Variants in VWA5A observed in about 807,000 individuals in gnomAD.
VWA5A encodes von Willebrand factor A domain-containing protein 5A.
In VWA5A, 77 loss-of-function variants were observed where a neutral mutation model predicts 84.6. The ratio of observed to expected loss-of-function variants is 0.91; its 90% CI spans 0.76 to 1.10. The LOEUF (loss-of-function observed/expected upper bound fraction) is 1.10. Among genes scored for constraint, VWA5A ranks in the 50% least tolerant of loss-of-function variants. The probability of loss-of-function intolerance (pLI) is 0.00; values close to 1 mark genes in which losing one functional copy is unlikely to be tolerated. For missense variants in VWA5A, 973 were observed against 963.0 expected, an observed-to-expected ratio of 1.01 and a Z score of -0.14; for synonymous variants, 334 against 350.1, an observed-to-expected ratio of 0.95 and a Z score of 0.51.
At chr11:124,136,900 C>G in intron 14 of VWA5A, 115 bp from the exon 15 acceptor site, 2 of 1,401,460 alleles carry the variant, frequency 1.4e-6, no homozygotes, top group Non-Finnish European at 9.6e-7. Context: ...AGTCTTCTCT[C>G]TCCCCTTATC....
At chr11:124,125,330 C>T (rs1161511148) in intron 11 of VWA5A, among the ~76,000 whole-genome samples, 5 of 151,372 alleles carry the variant, frequency 3.3e-5, no homozygotes, top group East Asian at 3.9e-4. Flanking sequence ...TCGCCCAGGC[C>T]GGACTGCAGT....
rs1860816164 is a variant in VWA5A, at chr11:124,146,069, A to T, written c.*124A>T. The T allele has an allele frequency of 1.1e-5, 11 of 996,328 alleles. No homozygotes were observed. The highest frequency in any genetic ancestry group is 1.7e-5 in the African/African-American group (1 of 60,492). 61.7% of individuals were successfully genotyped at this position (996,328 alleles called of 1,614,324 possible). On this transcript the variant is annotated 3_prime_UTR_variant, in exon 19 of 19. Transcript: ENST00000456829. ...TTATTTTTTGCCATAAAAGTAAAGG[A>T]TGCTTACTCCACTTCGCTTCTCTGC... is the stretch of plus-strand genomic sequence containing the variant.
At chr11:124,141,125 G>A (rs1356860250) in intron 15 of VWA5A, among the ~76,000 whole-genome samples, 5 of 152,078 alleles carry the variant, frequency 3.3e-5, no homozygotes, top group African/African-American at 9.7e-5. Context: ...ATGAATGATC[G>A]GAAATAACAA....
At position 124,118,174 on chromosome 11, in the gene VWA5A, C is replaced by A; in HGVS notation, c.247-15C>A. 1.2e-6 allele frequency: 2 copies of A among 1,611,558 alleles called. No individual in the cohort carries two copies. The highest frequency in any genetic ancestry group is 1.7e-5 in the Admixed American group (1 of 59,860). On this transcript the variant is annotated splice_polypyrimidine_tract_variant and intron_variant, in intron 4 of 18. Transcript: ENST00000456829. ...TGTTCCCTTTCTTTCCCATCCCTCG[C>A]CCTGTGCTTCTCAGGCCCGCACCAA... is the stretch of plus-strand genomic sequence containing the variant.
chr11:124,145,877 C>T lies in VWA5A; in HGVS notation c.2293C>T (p.Pro765Ser), dbSNP rs1364787974. 3.0e-5 allele frequency: 48 copies of T among 1,581,514 alleles called. No homozygotes were observed. Among genetic ancestry groups the T allele is most frequent in the Non-Finnish European group, 4.0e-5 (46 of 1,159,888 alleles). ...TTTCCTCACCACAGGCTCCACCATG[C>T]CTTCGGTTGTGAAAGCTGCTATTAC... ...WMRAHAGSTM[P>S]SVVKAAITFL... The change falls in exon 19 of 19, where the codon CCT becomes TCT. Residue 765 changes from proline to serine, a missense_variant. Physicochemically the swap from Pro to Ser is moderately conservative, Grantham distance 74. Transcript: ENST00000456829.
chr11:124,134,784 C>T (rs1444027071), intron 11 of VWA5A, 136 bp from the exon 12 acceptor site: 1 of 561,222 alleles, frequency 1.8e-6, no homozygotes, highest in Non-Finnish European at 3.1e-6. Flanking sequence ...ATAGAATATG[C>T]TCAGTAAATG....
At chr11:124,145,837 TC>T in intron 18 of VWA5A, 28 bp from the exon 19 acceptor site, 1 of 1,560,572 alleles carries the variant, frequency 6.4e-7, no homozygotes, top group Non-Finnish European at 8.7e-7. Flanking sequence ...CAATCCTTCA[TC>T]CCTGCTTCTT....
chr11:124,135,582 G>A (rs1436844703), intron 12 of VWA5A, among the ~76,000 whole-genome samples: 1 of 133,418 alleles, frequency 7.5e-6, no homozygotes, highest in Non-Finnish European at 1.6e-5. Flanking sequence ...CCAGGCTGGA[G>A]TGCAGTGGCG....
intron 11 of VWA5A, among the ~76,000 whole-genome samples, chr11:124,133,219 T>C (rs144757691): frequency 7.0e-4 from 107 of 152,324 alleles, no homozygotes; most frequent in African/African-American, 2.5e-3. Context: ...GTCGCGGTGA[T>C]GGCTGGTCTA....
chr11:124,145,181 T>C (rs1860796022), intron 17 of VWA5A, 56 bp from the exon 18 acceptor site: 1 of 1,553,768 alleles, frequency 6.4e-7, no homozygotes, highest in Non-Finnish European at 8.7e-7. Flanking sequence ...GTGAAGCTTT[T>C]TGCATCCTTT....
intron 2 of VWA5A, chr11:124,117,240 A>C (rs1340210324): frequency 5.5e-6 from 3 of 544,244 alleles, no homozygotes; most frequent in Admixed American, 3.3e-5. Flanking sequence ...TGGTATTTGA[A>C]CCAGCCTCAG....
At chr11:124,120,669 C>CAG (rs1864917645) in intron 7 of VWA5A, among the ~76,000 whole-genome samples, 1 of 152,178 alleles carries the variant, frequency 6.6e-6, no homozygotes, top group Non-Finnish European at 1.5e-5. Context: ...TTTGCTGTAA[C>CAG]CATCTCCTCT....
At chr11:124,136,357 C>A in intron 13 of VWA5A, 64 bp downstream of exon 13, 1 of 1,565,914 alleles carries the variant, frequency 6.4e-7, no homozygotes, top group Admixed American at 1.8e-5. Flanking sequence ...TCCACTAAAG[C>A]TGGTAGGTGG....
chr11:124,126,416 T>C (rs902634380), intron 11 of VWA5A, among the ~76,000 whole-genome samples: 1 of 152,200 alleles, frequency 6.6e-6, no homozygotes, highest in African/African-American at 2.4e-5. Flanking sequence ...GAAGTGTTTG[T>C]TTCCAACATT....
chr11:124,118,457 G>A (rs1255248500), intron 5 of VWA5A, 46 bp downstream of exon 5: 1 of 1,611,106 alleles, frequency 6.2e-7, no homozygotes, highest in Admixed American at 1.7e-5. Flanking sequence ...TGACATAAAT[G>A]GGGAAATTTT....
At chr11:124,120,235 T>G (rs968457119) in intron 7 of VWA5A, among the ~76,000 whole-genome samples, 2 of 152,232 alleles carry the variant, frequency 1.3e-5, no homozygotes, top group African/African-American at 4.8e-5. Flanking sequence ...TTTTCCTTAA[T>G]GTACATGCAC....
chr11:124,136,990 A>T, intron 14 of VWA5A, 25 bp from the exon 15 acceptor site: 1 of 1,602,142 alleles, frequency 6.2e-7, no homozygotes, highest in Non-Finnish European at 8.5e-7. Context: ...CCTACATTTC[A>T]GTACTTTTTT....
intron 4 of VWA5A, 34 bp from the exon 5 acceptor site, chr11:124,118,155 C>G: frequency 6.3e-7 from 1 of 1,599,600 alleles, no homozygotes; most frequent in Non-Finnish European, 8.5e-7. Context: ...TGGATGTTCC[C>G]TTTCTTTCCC....
intron 9 of VWA5A, 93 bp downstream of exon 9, chr11:124,123,547 C>T: frequency 6.2e-7 from 1 of 1,604,084 alleles, no homozygotes; most frequent in Non-Finnish European, 8.5e-7. Context: ...TTGACTTTGG[C>T]ATTGGGGGTT....
Sources: gnomAD v4.1 joint callset for allele counts (sites outside exome capture counted in the v4.1 genomes callset) on GRCh38, gnomAD v4.1.1 for gene constraint, MANE v1.5 for transcripts, NCBI Gene and HGNC (gene_info 2026-07-23, HGNC 2026-07-21) for gene names.